Variants in NAA16 observed in about 807,000 individuals in gnomAD.
NAA16 encodes the protein N-alpha-acetyltransferase 16, NatA auxiliary subunit.
Under a neutral mutation model 110.3 loss-of-function variants are expected in NAA16, and 97 were observed. That is an observed-to-expected ratio of 0.88 (90% CI 0.75 to 1.04). NAA16 has a LOEUF of 1.04. Among genes scored for constraint, NAA16 ranks in the 50% least tolerant of loss-of-function variants. NAA16 has a pLI of 0.00. For missense variants in NAA16, 1,017 were observed against 1,005.1 expected (o/e 1.01, Z -0.16); for synonymous variants, 372 against 330.6 (o/e 1.13, Z -1.36).
At chr13:41,322,988 A>C in intron 4 of NAA16, 68 bp from the exon 5 acceptor site, 1 of 1,386,180 alleles carries the variant, frequency 7.2e-7, no homozygotes, top group Non-Finnish European at 1.0e-6. Context: ...TAAAGGTTAG[A>C]TTGTTTTCTT....
In NAA16 at chr13:41,375,752, C is replaced by G. The variant is rs367677149; in HGVS notation, c.*150C>G. ...CTGTAAGCTTATTTTGTTCTTTACC[C>G]GACCTGCCAATTTACATAACCATCT... On this transcript the variant is annotated 3_prime_UTR_variant, in exon 20 of 20. Coordinates refer to ENST00000379406, the MANE Select transcript of NAA16 (RefSeq NM_024561.5). 1.8e-6 allele frequency: 1 copy of G among 563,612 alleles called. No individual in the cohort carries two copies. The highest frequency in any genetic ancestry group is 1.9e-5 in the African/African-American group (1 of 52,668). The allele number at this position is 563,612 out of a possible 1,614,324, so 34.9% of individuals were successfully genotyped here.
intron 1 of NAA16, 38 bp downstream of exon 1, chr13:41,311,620 C>G (rs1346679639): frequency 6.3e-7 from 1 of 1,584,482 alleles, no homozygotes; most frequent in African/African-American, 1.4e-5. Context: ...CCCCCGGTCC[C>G]CGGGTCCTCG....
chr13:41,344,676 C>T (rs1350936099), intron 9 of NAA16, among the ~76,000 whole-genome samples: 1 of 152,110 alleles, frequency 6.6e-6, no homozygotes, highest in African/African-American at 2.4e-5. Flanking sequence ...TAGCAAACTC[C>T]CTGGCCTCTA....
chr13:41,342,806 C>T (rs1412303823), intron 9 of NAA16, among the ~76,000 whole-genome samples: 2 of 152,134 alleles, frequency 1.3e-5, no homozygotes, highest in Non-Finnish European at 2.9e-5. Flanking sequence ...TTGTGTATTA[C>T]CATTTCACAT....
intron 13 of NAA16, among the ~76,000 whole-genome samples, chr13:41,363,050 G>T (rs1315339310): frequency 2.6e-5 from 4 of 152,070 alleles, no homozygotes; most frequent in Non-Finnish European, 5.9e-5. Context: ...TTTGTTTTTT[G>T]TTTGTTTGTT....
At chr13:41,311,880 C>T (rs925848826) in intron 1 of NAA16, among the ~76,000 whole-genome samples, 1 of 152,244 alleles carries the variant, frequency 6.6e-6, no homozygotes, top group African/African-American at 2.4e-5. Flanking sequence ...CCGCCTCGGC[C>T]GGTAGTGGCT....
At chr13:41,356,811 A>G (rs933822579) in intron 10 of NAA16, among the ~76,000 whole-genome samples, 1 of 152,270 alleles carries the variant, frequency 6.6e-6, no homozygotes, top group South Asian at 2.1e-4. Flanking sequence ...TTCTCATGGT[A>G]TCATTTGCTG....
intron 9 of NAA16, among the ~76,000 whole-genome samples, chr13:41,350,139 C>T (rs968633432): frequency 1.2e-4 from 18 of 151,290 alleles, no homozygotes; most frequent in East Asian, 9.7e-4. Context: ...AGTACAGTGG[C>T]GCATTCTAGA....
intron 9 of NAA16, among the ~76,000 whole-genome samples, chr13:41,345,172 A>G (rs1441092516): frequency 1.3e-5 from 2 of 152,218 alleles, no homozygotes; most frequent in Admixed American, 6.5e-5. Context: ...GTTTTTGTGT[A>G]GACATGCTTC....
chr13:41,346,117 G>T (rs1044568793), intron 9 of NAA16, among the ~76,000 whole-genome samples: 1 of 152,074 alleles, frequency 6.6e-6, no homozygotes, highest in Admixed American at 6.5e-5. Flanking sequence ...ATGTTTACTT[G>T]TAAGAGTTTG....
At chr13:41,351,433 C>T (rs767755151) in intron 9 of NAA16, among the ~76,000 whole-genome samples, 34 of 152,076 alleles carry the variant, frequency 2.2e-4, no homozygotes, top group Non-Finnish European at 3.4e-4. Flanking sequence ...CAATTTTGGT[C>T]CTTGCTGGTA....
intron 9 of NAA16, among the ~76,000 whole-genome samples, chr13:41,353,817 T>G (rs2042908949): frequency 6.6e-6 from 1 of 151,654 alleles, no homozygotes; most frequent in East Asian, 1.9e-4. Context: ...AAACAGATTG[T>G]ACAGAATATT....
chr13:41,365,962 C>T (rs928442319), intron 13 of NAA16, among the ~76,000 whole-genome samples: 1 of 152,092 alleles, frequency 6.6e-6, no homozygotes, highest in Non-Finnish European at 1.5e-5. Flanking sequence ...GGACTTTTAG[C>T]GCCACCATTT....
In NAA16 at chr13:41,372,201, AG is replaced by A; in HGVS notation, c.1948del. 6.5e-7 allele frequency: 1 copy of A among 1,528,156 alleles called. No individual in the cohort carries two copies. Among genetic ancestry groups the A allele is most frequent in the Non-Finnish European group, 8.8e-7 (1 of 1,137,036 alleles). 94.7% of individuals were successfully genotyped at this position (1,528,156 alleles called of 1,614,324 possible). A position where few individuals can be genotyped will look rare whatever the true frequency, so the allele number is the denominator to read the frequency against. On this transcript the variant is annotated splice_acceptor_variant, in intron 15 of 19. Coordinates refer to ENST00000379406, the MANE Select transcript of NAA16 (RefSeq NM_024561.5). LOFTEE classifies it high-confidence loss of function. Reference sequence around the variant, plus strand: ...ATAATTTTCCTTTCTGTTTCAAAATAGGTAGAAAATCCATTAGAGGAAGCCG... The same window carrying A: ...ATAATTTTCCTTTCTGTTTCAAAATAGTAGAAAATCCATTAGAGGAAGCCG...
chr13:41,346,759 C>T (rs927443488), intron 9 of NAA16, among the ~76,000 whole-genome samples: 3 of 151,892 alleles, frequency 2.0e-5, no homozygotes, highest in Non-Finnish European at 4.4e-5. Context: ...CCTAGCTGGG[C>T]CCTTTGTTAT....
In NAA16 at chr13:41,325,747, A is replaced by G. The variant is rs752841425; in HGVS notation, c.587A>G (p.Gln196Arg). Residue 196 changes from glutamine (Q) to arginine (R), a missense_variant, in exon 6 of 20, where the codon CAG becomes CGG. Transcript: ENST00000379406. ...GAATATAGTGAATTGATATTATACC[A>G]GAATCAAGTGATGAGAGAGGCAGAT... Reference protein sequence around the residue: ...DYEYSELILYQNQVMREADLL... With the variant: ...DYEYSELILYRNQVMREADLL... 4 of 1,603,738 alleles carry G rather than the reference A, an allele frequency of 2.5e-6. No homozygotes were observed. Among genetic ancestry groups the G allele is most frequent in the South Asian group, 1.1e-5 (1 of 90,198 alleles).
At chr13:41,319,685 T>A (rs2041898584) in intron 3 of NAA16, among the ~76,000 whole-genome samples, 1 of 151,280 alleles carries the variant, frequency 6.6e-6, no homozygotes, top group Admixed American at 6.6e-5. Context: ...CCTGGCTACT[T>A]TTTGTACTTT....
chr13:41,345,766 G>C (rs1360687530), intron 9 of NAA16, among the ~76,000 whole-genome samples: 1 of 151,992 alleles, frequency 6.6e-6, no homozygotes, highest in Non-Finnish European at 1.5e-5. Flanking sequence ...ATAGAGACAG[G>C]GTTTCACCAT....
rs192728834 is a variant in NAA16, at chr13:41,368,225, T to G, written c.1753+573T>G. On this transcript the variant is annotated intron_variant, in intron 14 of 19. Coordinates refer to ENST00000379406, the MANE Select transcript of NAA16 (RefSeq NM_024561.5). ...GTGAGAATATCTGTACAGTTTTTTATTCACTAGAATGTTAATATCTAGGAA... is the reference window on the plus strand; with the variant it reads ...GTGAGAATATCTGTACAGTTTTTTAGTCACTAGAATGTTAATATCTAGGAA... Among the ~76,000 whole-genome samples, 56 of 152,346 alleles carry G rather than the reference T, an allele frequency of 3.7e-4. No homozygotes were observed. In the East Asian group the frequency reaches 9.8e-3, roughly 27 times the overall value.
Sources: allele counts gnomAD v4.1 joint callset (sites outside exome capture counted in the v4.1 genomes callset), GRCh38; gene constraint gnomAD v4.1.1; transcripts MANE v1.5; gene names NCBI Gene and HGNC (gene_info 2026-07-23, HGNC 2026-07-21).